Variants in GPAT3 observed in about 807,000 individuals in gnomAD.
The protein encoded by GPAT3 is 1-AGP acyltransferase 9.
GPAT3 carries 53 observed loss-of-function variants against 58.8 expected under a neutral mutation model. That is an observed-to-expected ratio of 0.90 (90% CI 0.72 to 1.13). The LOEUF is 1.13. Among genes scored for constraint, GPAT3 ranks in the 50% most tolerant of loss-of-function variants. The pLI is 0.00. For missense variants in GPAT3, 511 were observed against 527.6 expected (o/e 0.97, Z 0.31); for synonymous variants, 197 against 187.4 (o/e 1.05, Z -0.42).
chr4:83,583,667 GAAAAAAA>G (rs749976752), intron 3 of GPAT3, among the ~76,000 whole-genome samples: 271 of 23,478 alleles, frequency 0.012, 3 homozygotes, highest in African/African-American at 0.047. Flanking sequence ...ACTCTTGTCT[GAAAAAAA>G]AAAAAAAAAA....
intron 2 of GPAT3, among the ~76,000 whole-genome samples, chr4:83,572,438 C>A (rs1725642054): frequency 6.6e-6 from 1 of 152,098 alleles, no homozygotes; most frequent in Non-Finnish European, 1.5e-5. Flanking sequence ...ATACCCATCA[C>A]CCAAATTCAA....
At chr4:83,547,331 C>T (rs1471575129) in intron 2 of GPAT3, among the ~76,000 whole-genome samples, 1 of 144,006 alleles carries the variant, frequency 6.9e-6, no homozygotes, top group African/African-American at 2.7e-5. Context: ...CGGCTCACTG[C>T]AAGCTCCGCC....
At chr4:83,542,686 TG>T (rs1346829167) in intron 1 of GPAT3, among the ~76,000 whole-genome samples, 4 of 152,232 alleles carry the variant, frequency 2.6e-5, no homozygotes, top group African/African-American at 9.6e-5. Flanking sequence ...CTGAGGTTTT[TG>T]ACTTGGCATA....
intron 5 of GPAT3, 48 bp downstream of exon 5, chr4:83,588,347 A>G (rs1359283163): frequency 1.9e-6 from 3 of 1,546,056 alleles, no homozygotes; most frequent in Non-Finnish European, 1.8e-6. Flanking sequence ...TCAATTCAGC[A>G]TGAGATTGAC....
At chr4:83,546,175 G>A (rs1224214820) in intron 2 of GPAT3, among the ~76,000 whole-genome samples, 2 of 152,034 alleles carry the variant, frequency 1.3e-5, no homozygotes, top group East Asian at 1.9e-4. Flanking sequence ...AGTAGAGAAG[G>A]GGTTTCACCA....
intron 5 of GPAT3, among the ~76,000 whole-genome samples, chr4:83,589,562 C>G (rs1302624614): frequency 1.3e-5 from 2 of 152,152 alleles, no homozygotes; most frequent in Non-Finnish European, 2.9e-5. Flanking sequence ...AACCTCTGCT[C>G]TAGGAGGATA....
intron 6 of GPAT3, among the ~76,000 whole-genome samples, chr4:83,590,908 A>C (rs1040054531): frequency 2.8e-5 from 4 of 144,654 alleles, no homozygotes; most frequent in African/African-American, 1.0e-4. Flanking sequence ...TTTTTTTTCA[A>C]ATCTGTGTTT....
chr4:83,587,628 A>T (rs1726427393), intron 4 of GPAT3, among the ~76,000 whole-genome samples: 1 of 152,078 alleles, frequency 6.6e-6, no homozygotes, highest in South Asian at 2.1e-4. Flanking sequence ...GGGTTTCACC[A>T]TGTAGGCCAG....
chr4:83,585,319 GTTATAA>G (rs1260350363), intron 3 of GPAT3, among the ~76,000 whole-genome samples: 2 of 149,404 alleles, frequency 1.3e-5, no homozygotes, highest in Non-Finnish European at 3.0e-5. Flanking sequence ...ATGTTATTAA[GTTATAA>G]TTATAAAATT....
At chr4:83,556,354 C>G (rs569502683) in intron 2 of GPAT3, among the ~76,000 whole-genome samples, 1 of 151,946 alleles carries the variant, frequency 6.6e-6, no homozygotes, top group East Asian at 1.9e-4. Context: ...AAAAAATAGC[C>G]GGATATGGTG....
At position 83,590,267 on chromosome 4, in the gene GPAT3, T is replaced by C; in HGVS notation, c.713T>C (p.Leu238Ser). 1 of 1,613,846 alleles carries C rather than the reference T, an allele frequency of 6.2e-7. No homozygotes were observed. Residue 238 changes from leucine to serine, a missense_variant, in exon 6 of 12, where the codon TTG (leucine) becomes TCG (serine). Leu to Ser is a moderately radical substitution (Grantham distance 145, BLOSUM62 -2). Transcript: ENST00000264409. ...NHTSPIDVLI[L>S]TTDGCYAMVG... ...ACTTCCCCCATTGATGTTTTAATCT[T>C]GACAACGGATGGATGTTATGCTATG...
At chr4:83,590,107 T>C (rs1560628164) in intron 5 of GPAT3, 92 bp from the exon 6 acceptor site, 15 of 1,147,312 alleles carry the variant, frequency 1.3e-5, no homozygotes, top group East Asian at 5.1e-5. Context: ...ATTACATATA[T>C]ACACACACAC....
intron 3 of GPAT3, among the ~76,000 whole-genome samples, chr4:83,586,993 T>C (rs1227273546): frequency 2.0e-5 from 3 of 152,230 alleles, no homozygotes; most frequent in Non-Finnish European, 4.4e-5. Flanking sequence ...TTGTTACACA[T>C]GTGTTTGTTG....
intron 1 of GPAT3, among the ~76,000 whole-genome samples, chr4:83,542,598 T>C (rs1157563787): frequency 6.6e-6 from 1 of 152,250 alleles, no homozygotes; most frequent in South Asian, 2.1e-4. Flanking sequence ...TTATTTATTC[T>C]CTATCAGTTA....
chr4:83,552,719 G>T (rs1020595544), intron 2 of GPAT3, among the ~76,000 whole-genome samples: 9 of 152,124 alleles, frequency 5.9e-5, no homozygotes, highest in Non-Finnish European at 1.0e-4. Context: ...TTAGAGACTG[G>T]CATATAACTG....
chr4:83,547,246 CTTTTT>C (rs10618385), intron 2 of GPAT3, among the ~76,000 whole-genome samples: 46 of 82,200 alleles, frequency 5.6e-4, no homozygotes, highest in African/African-American at 2.3e-3. Context: ...TTCTACTGCT[CTTTTT>C]TTTTTTTTTT....
intron 2 of GPAT3, among the ~76,000 whole-genome samples, chr4:83,581,248 G>A (rs1419640994): frequency 6.6e-6 from 1 of 150,950 alleles, no homozygotes; most frequent in Non-Finnish European, 1.5e-5. Context: ...GGAGAATTTT[G>A]TGTGTGTGTG....
chr4:83,598,689 A>G lies in GPAT3; in HGVS notation c.1171A>G (p.Ile391Val). Residue 391 changes from isoleucine (I) to valine (V), a missense_variant, in exon 11 of 12, where the codon ATT becomes GTT. Ile to Val is a conservative substitution (Grantham distance 29). Transcript: ENST00000264409. The part of the protein sequence containing the change: ...VQFANRVKSA[I>V]AIQGGLTELP... ...GTTTGCTAACAGGGTTAAGTCTGCT[A>G]TTGCTATACAAGGAGGCCTGACTGA... is the stretch of plus-strand genomic sequence containing the variant. The G allele has an allele frequency of 1.3e-6, 2 of 1,484,306 alleles. No homozygotes were observed. Among genetic ancestry groups the G allele is most frequent in the South Asian group, 1.1e-5 (1 of 88,182 alleles). The allele number at this position is 1,484,306 out of a possible 1,614,324, so 91.9% of individuals were successfully genotyped here.
At chr4:83,543,379 A>G (rs750113985) in intron 1 of GPAT3, among the ~76,000 whole-genome samples, 1 of 152,262 alleles carries the variant, frequency 6.6e-6, no homozygotes, top group Non-Finnish European at 1.5e-5. Flanking sequence ...AAAGTTCACT[A>G]GCAGTTTTTG....
Sources: gnomAD v4.1 joint callset for allele counts (sites outside exome capture counted in the v4.1 genomes callset) on GRCh38, gnomAD v4.1.1 for gene constraint, MANE v1.5 for transcripts, NCBI Gene and HGNC (gene_info 2026-07-23, HGNC 2026-07-21) for gene names.